The following PCDH15 variants were observed in gnomAD, a reference collection of about 807,000 sequenced individuals.
PCDH15 encodes protocadherin related 15, also known as protocadherin-15.
PCDH15 carries 129 observed loss-of-function variants against 178.5 expected under a neutral mutation model. The ratio of observed to expected loss-of-function variants is 0.72; its 90% CI spans 0.63 to 0.84. The LOEUF (loss-of-function observed/expected upper bound fraction) is 0.84, where lower values mean the gene tolerates loss of function less well. Among genes scored for constraint, PCDH15 ranks in the 40% least tolerant of loss-of-function variants. The pLI is 0.00. For missense variants in PCDH15, 2,230 were observed against 2,099.9 expected (o/e 1.06, Z -1.21); for synonymous variants, 800 against 732.0 (o/e 1.09, Z -1.50).
At chr10:55,233,817 ATATAC>A (rs1288903646) in intron 1 of PCDH15, among the ~76,000 whole-genome samples, 8 of 152,242 alleles carry the variant, frequency 5.3e-5, no homozygotes, top group Middle Eastern at 3.4e-3. Flanking sequence ...ATGAGAAACA[ATATAC>A]TATAGTGCTT....
chr10:54,746,426 G>A (rs1302783267), intron 1 of PCDH15, among the ~76,000 whole-genome samples: 1 of 152,040 alleles, frequency 6.6e-6, no homozygotes, highest in South Asian at 2.1e-4. Flanking sequence ...ACTACAGTCT[G>A]CAATAATTTG....
intron 2 of PCDH15, among the ~76,000 whole-genome samples, chr10:54,964,288 T>C (rs1838727677): frequency 6.6e-6 from 1 of 152,188 alleles, no homozygotes; most frequent in Non-Finnish European, 1.5e-5. Flanking sequence ...CTAGTTTCAA[T>C]ACCAGGACTA....
intron 2 of PCDH15, among the ~76,000 whole-genome samples, chr10:54,533,485 TG>T (rs2084143835): frequency 1.3e-5 from 2 of 152,012 alleles, no homozygotes; most frequent in Admixed American, 6.6e-5. Flanking sequence ...AGTAAAGTGA[TG>T]AAAAAAAAGG....
intron 8 of PCDH15, among the ~76,000 whole-genome samples, chr10:54,310,132 T>G (rs1002895682): frequency 1.3e-5 from 2 of 152,112 alleles, no homozygotes; most frequent in African/African-American, 2.4e-5. Context: ...CAAGTTGTAC[T>G]ATGTGTGTTA....
intron 8 of PCDH15, among the ~76,000 whole-genome samples, chr10:54,266,048 A>T (rs2057656931): frequency 1.1e-5 from 1 of 91,136 alleles, no homozygotes. Flanking sequence ...AGTGTCAAGA[A>T]ATTAAAAAAA....
intron 2 of PCDH15, among the ~76,000 whole-genome samples, chr10:54,999,061 G>GTT (rs149160131): frequency 2.6e-5 from 4 of 151,558 alleles, no homozygotes; most frequent in South Asian, 2.1e-4. Context: ...CTTTCTTGTT[G>GTT]TTTTTTTGTT....
At chr10:55,210,608 T>TTTTTC (rs1840536797) in intron 1 of PCDH15, among the ~76,000 whole-genome samples, 7 of 145,512 alleles carry the variant, frequency 4.8e-5, no homozygotes, top group East Asian at 4.0e-4. Flanking sequence ...TTTTTTTTCT[T>TTTTTC]TTTTCTTTTC....
chr10:54,341,055 G>A (rs1324084792), intron 6 of PCDH15, among the ~76,000 whole-genome samples: 1 of 152,064 alleles, frequency 6.6e-6, no homozygotes, highest in African/African-American at 2.4e-5. Context: ...ATATTTCCCT[G>A]GCACTGGCTG....
intron 21 of PCDH15, among the ~76,000 whole-genome samples, chr10:53,990,335 T>C (rs2091379265): frequency 6.6e-6 from 1 of 151,936 alleles, no homozygotes; most frequent in South Asian, 2.1e-4. Context: ...TTTATATATA[T>C]ACTTTCTGAA....
chr10:55,285,940 G>A (rs914433077), intron 1 of PCDH15, among the ~76,000 whole-genome samples: 2 of 151,844 alleles, frequency 1.3e-5, no homozygotes, highest in African/African-American at 4.8e-5. Flanking sequence ...ACCTAAATTT[G>A]AGTACAGATA....
chr10:54,314,256 G>A (rs1314827323), intron 8 of PCDH15, among the ~76,000 whole-genome samples: 2 of 151,774 alleles, frequency 1.3e-5, no homozygotes, highest in South Asian at 4.1e-4. Context: ...TTTTTTCACT[G>A]TTGTCTTTCC....
chr10:54,328,913 A>C (rs1938785124), intron 7 of PCDH15, among the ~76,000 whole-genome samples: 1 of 152,110 alleles, frequency 6.6e-6, no homozygotes, highest in East Asian at 1.9e-4. Flanking sequence ...TAATAACTAT[A>C]ATAAATGTCT....
chr10:54,210,341 G>GA (rs1202876001), intron 10 of PCDH15, among the ~76,000 whole-genome samples: 23 of 152,044 alleles, frequency 1.5e-4, no homozygotes, highest in Admixed American at 1.4e-3. Flanking sequence ...GTGCCAGGGA[G>GA]AAAATAATTA....
chr10:55,601,139 C>T (rs547012585), intron 2 of PCDH15, among the ~76,000 whole-genome samples: 3 of 152,190 alleles, frequency 2.0e-5, no homozygotes, highest in Non-Finnish European at 2.9e-5. Flanking sequence ...GTTCCTCCTT[C>T]CAGAGAGCTC....
chr10:55,101,276 G>A (rs143602613), intron 2 of PCDH15, among the ~76,000 whole-genome samples: 17 of 152,060 alleles, frequency 1.1e-4, no homozygotes, highest in Middle Eastern at 3.4e-3. Flanking sequence ...CTACTACACC[G>A]GAGGCTGAAG....
intron 26 of PCDH15, among the ~76,000 whole-genome samples, chr10:53,899,193 G>C (rs1049130636): frequency 6.6e-5 from 10 of 151,498 alleles, no homozygotes; most frequent in Non-Finnish European, 1.3e-4. Context: ...AGGGTAGAGA[G>C]AGCCTATTTT....
chr10:53,855,577 C>T (rs2078668636), intron 28 of PCDH15, among the ~76,000 whole-genome samples: 1 of 151,908 alleles, frequency 6.6e-6, no homozygotes, highest in Admixed American at 6.6e-5. Flanking sequence ...ATGGGAAAAT[C>T]ACATATGCTT....
intron 2 of PCDH15, among the ~76,000 whole-genome samples, chr10:54,981,234 T>A (rs1338416719): frequency 1.3e-5 from 2 of 152,118 alleles, no homozygotes; most frequent in East Asian, 1.9e-4. Context: ...TCCAGCTTCC[T>A]CCCCTTCTCT....
intron 1 of PCDH15, among the ~76,000 whole-genome samples, chr10:55,179,387 T>C (rs1399119602): frequency 6.6e-6 from 1 of 152,080 alleles, no homozygotes; most frequent in African/African-American, 2.4e-5. Context: ...CCAGGATAGT[T>C]TGAAGCCTGA....
Sources: allele counts gnomAD v4.1 joint callset (sites outside exome capture counted in the v4.1 genomes callset), GRCh38; gene constraint gnomAD v4.1.1; transcripts MANE v1.5; gene names NCBI Gene and HGNC (gene_info 2026-07-23, HGNC 2026-07-21).